The following TNPO3 variants were observed in gnomAD, a reference collection of about 807,000 sequenced individuals.
TNPO3 encodes the protein transportin-3.
A neutral mutation model predicts 122.8 loss-of-function variants in TNPO3; 65 were observed. That is an observed-to-expected ratio of 0.53 (90% CI 0.43 to 0.65). TNPO3 has a LOEUF of 0.65. Ranked by LOEUF, TNPO3 falls within the 30% of genes least tolerant of loss-of-function variation. TNPO3 has a pLI of 0.00. For synonymous variants in TNPO3, 372 were observed against 411.2 expected, an observed-to-expected ratio of 0.90 and a Z score of 1.15; for missense variants, 850 against 1,136.7, an observed-to-expected ratio of 0.75 and a Z score of 3.63.
intron 10 of TNPO3, among the ~76,000 whole-genome samples, chr7:128,990,625 A>C (rs1258452760): frequency 1.3e-5 from 2 of 152,224 alleles, no homozygotes; most frequent in African/African-American, 4.8e-5. Flanking sequence ...ATGGGTAGGC[A>C]GCTCACTAAT....
chr7:129,040,199 G>C (rs1032035490), intron 1 of TNPO3, among the ~76,000 whole-genome samples: 1 of 150,892 alleles, frequency 6.6e-6, no homozygotes, highest in South Asian at 2.1e-4. Context: ...ATGTTGCAGT[G>C]AGCCAAGGTC....
In TNPO3 at chr7:129,015,127, T is replaced by C. The variant is rs940775473; in HGVS notation, c.404A>G (p.Asn135Ser). The change falls in exon 4 of 23, where the codon AAT becomes AGT. Residue 135 changes from asparagine to serine, a missense_variant. Coordinates refer to ENST00000265388, the MANE Select transcript of TNPO3 (RefSeq NM_012470.4). The part of the protein sequence containing the change: ...CVQTLVEKYS[N>S]DVTSLPFLLE... Reference sequence around the variant, plus strand: ...CAAAAAAGGCAAAGAAGTCACATCATTGCTGTATCTGCAAAAGAAAAAAGT... The same window carrying C: ...CAAAAAAGGCAAAGAAGTCACATCACTGCTGTATCTGCAAAAGAAAAAAGT... 1.9e-6 allele frequency: 3 copies of C among 1,609,406 alleles called. No individual in the cohort carries two copies. Among genetic ancestry groups the C allele is most frequent in the Admixed American group, 1.7e-5 (1 of 58,334 alleles).
intron 13 of TNPO3, among the ~76,000 whole-genome samples, chr7:128,983,320 C>T (rs1799818070): frequency 6.6e-6 from 1 of 152,118 alleles, no homozygotes; most frequent in African/African-American, 2.4e-5. Context: ...GATTCTCCCG[C>T]CTCAGCCTCC....
At position 128,955,013 on chromosome 7, in the gene TNPO3, G is replaced by A. The variant is rs1005754642; in HGVS notation, c.*404C>T. On this transcript the variant is annotated 3_prime_UTR_variant, in exon 23 of 23. Coordinates refer to ENST00000265388, the MANE Select transcript of TNPO3 (RefSeq NM_012470.4). ...TACACGTGCGCACTGGCGCTTGTGC[G>A]TGTATGTGTGTGTGCGTGCATGTGT... The A allele has an allele frequency of 1.5e-5, 4 of 270,550 alleles. 1 individual carries two copies. Among genetic ancestry groups the A allele is most frequent in the South Asian group, 6.5e-5 (2 of 30,732 alleles). 16.8% of individuals were successfully genotyped at this position (270,550 alleles called of 1,614,324 possible). A position where few individuals can be genotyped will look rare whatever the true frequency, so the allele number is the denominator to read the frequency against.
In TNPO3 at chr7:128,975,012, A is replaced by G. The variant is rs2293492; in HGVS notation, c.2179-50T>C. On this transcript the variant is annotated intron_variant, in intron 17 of 22. Transcript: ENST00000265388. Reference sequence around the variant, plus strand: ...AGAAATGCTTTTTCAGAAATGCCACAGCATTCAGACTTGCCAAATATTTAT... The same window carrying G: ...AGAAATGCTTTTTCAGAAATGCCACGGCATTCAGACTTGCCAAATATTTAT... 160,183 of 1,447,420 alleles carry G rather than the reference A, an allele frequency of 0.11. 9,402 individuals carry two copies. The highest frequency in any genetic ancestry group is 0.12 in the Non-Finnish European group (123,151 of 1,030,672). 89.7% of individuals were successfully genotyped at this position (1,447,420 alleles called of 1,614,324 possible). A position where few individuals can be genotyped will look rare whatever the true frequency, so the allele number is the denominator to read the frequency against.
chr7:128,985,900 G>A (rs577428181), intron 12 of TNPO3, among the ~76,000 whole-genome samples: 12 of 152,252 alleles, frequency 7.9e-5, no homozygotes, highest in African/African-American at 2.4e-4. Flanking sequence ...CTCTTGCCAA[G>A]GCTAATTGTT....
chr7:128,998,038 G>C (rs1352433550), intron 7 of TNPO3, among the ~76,000 whole-genome samples: 2 of 148,590 alleles, frequency 1.3e-5, no homozygotes, highest in Non-Finnish European at 3.0e-5. Context: ...AGTAGAAACA[G>C]GGCCTTGCCA....
At chr7:128,975,240 T>C (rs949605928) in intron 17 of TNPO3, among the ~76,000 whole-genome samples, 1 of 152,250 alleles carries the variant, frequency 6.6e-6, no homozygotes, top group Non-Finnish European at 1.5e-5. Flanking sequence ...CTCAAAGTTT[T>C]AGAAATTTCT....
At chr7:129,048,258 G>A (rs950146883) in intron 1 of TNPO3, among the ~76,000 whole-genome samples, 1 of 152,210 alleles carries the variant, frequency 6.6e-6, no homozygotes, top group East Asian at 1.9e-4. Context: ...ACCAGGTGCA[G>A]TGGCTCACAC....
chr7:128,977,551 A>G (rs886716281), intron 16 of TNPO3, among the ~76,000 whole-genome samples: 1 of 151,798 alleles, frequency 6.6e-6, no homozygotes, highest in Non-Finnish European at 1.5e-5. Context: ...GGTTGAGGGC[A>G]CCTATGATGC....
intron 16 of TNPO3, among the ~76,000 whole-genome samples, chr7:128,977,426 A>G (rs1799171921): frequency 6.6e-6 from 1 of 152,186 alleles, no homozygotes; most frequent in Non-Finnish European, 1.5e-5. Flanking sequence ...TAGAGAAATC[A>G]CTAAAAATTA....
At position 128,974,936 on chromosome 7, in the gene TNPO3, G is replaced by T; in HGVS notation, c.2205C>A (p.Leu735=). 1 of 1,614,106 alleles carries T rather than the reference G, an allele frequency of 6.2e-7. No individual in the cohort carries two copies. Among genetic ancestry groups the T allele is most frequent in the East Asian group, 2.2e-5 (1 of 44,874 alleles). ...TCTGGAGACCATTCTGCTGTTCTAG[G>T]AGCTGAAAGGTGGGGATGCACAGTG... ...LQALCIPTFQ[L]LEQQNGLQNH... The change falls in exon 18 of 23, where the codon CTC becomes CTA. Residue 735 remains leucine (L), a synonymous_variant. Coordinates refer to ENST00000265388, the MANE Select transcript of TNPO3 (RefSeq NM_012470.4).
chr7:129,003,977 G>A (rs1159290890), intron 5 of TNPO3, among the ~76,000 whole-genome samples: 3 of 152,100 alleles, frequency 2.0e-5, no homozygotes, highest in Non-Finnish European at 2.9e-5. Flanking sequence ...TATTTACAGT[G>A]ATTACTCTTC....
At chr7:129,050,671 C>A (rs1407070836) in intron 1 of TNPO3, among the ~76,000 whole-genome samples, 4 of 152,084 alleles carry the variant, frequency 2.6e-5, no homozygotes, top group Non-Finnish European at 5.9e-5. Flanking sequence ...TAAATTAAAA[C>A]CTACATACTT....
rs985568807 is a variant in TNPO3 at position 129,055,013 on chromosome 7, CTT to C, written c.-245_-244del. 2.0e-6 allele frequency: 1 copy of C among 491,964 alleles called. No homozygotes were observed. Among genetic ancestry groups the C allele is most frequent in the Non-Finnish European group, 3.7e-6 (1 of 271,228 alleles). 30.5% of individuals were successfully genotyped at this position (491,964 alleles called of 1,614,324 possible). On this transcript the variant is annotated 5_prime_UTR_variant, in exon 1 of 23. Coordinates refer to ENST00000265388, the MANE Select transcript of TNPO3 (RefSeq NM_012470.4). ...CGGTTTTTCCACTTGATTCTAGACT[CTT>C]GAGTCCACAGATTCTGGCGCTCCCG...
Position 128,955,089 on chromosome 7 carries a change from T to C in TNPO3, c.*328A>G. On this transcript the variant is annotated 3_prime_UTR_variant, in exon 23 of 23. Transcript: ENST00000265388. ...GTTCTGGTTTCTGTTTAGTCTTCCT[T>C]TTTTTTCTTTTTTCTTTACTTAAAA... 3.1e-6 allele frequency: 1 copy of C among 327,838 alleles called. No homozygotes were observed. Among genetic ancestry groups the C allele is most frequent in the Non-Finnish European group, 5.9e-6 (1 of 169,564 alleles). 20.3% of individuals were successfully genotyped at this position (327,838 alleles called of 1,614,324 possible).
chr7:129,012,003 C>CTTT (rs1174882837), intron 4 of TNPO3, among the ~76,000 whole-genome samples: 24 of 131,700 alleles, frequency 1.8e-4, no homozygotes, highest in African/African-American at 2.6e-4. Flanking sequence ...CTTTTTCTTT[C>CTTT]TTTTTTTTTT....
At chr7:129,023,776 T>A (rs909616100) in intron 1 of TNPO3, among the ~76,000 whole-genome samples, 1 of 152,230 alleles carries the variant, frequency 6.6e-6, no homozygotes, top group African/African-American at 2.4e-5. Flanking sequence ...GGTTTTCCTA[T>A]ATAAACTGTA....
At chr7:128,986,048 G>A (rs1320298634) in intron 12 of TNPO3, among the ~76,000 whole-genome samples, 1 of 152,152 alleles carries the variant, frequency 6.6e-6, no homozygotes, top group Non-Finnish European at 1.5e-5. Context: ...CAGAAAGTAT[G>A]GTTAAGTGTT....
Sources: gnomAD v4.1 joint callset for allele counts (sites outside exome capture counted in the v4.1 genomes callset) on GRCh38, gnomAD v4.1.1 for gene constraint, MANE v1.5 for transcripts, NCBI Gene and HGNC (gene_info 2026-07-23, HGNC 2026-07-21) for gene names.